Variants in COL22A1 observed in about 807,000 individuals in gnomAD.
The protein encoded by COL22A1 is collagen alpha-1(XXII) chain.
A neutral mutation model predicts 248.9 loss-of-function variants in COL22A1; 221 were observed. That is an observed-to-expected ratio of 0.89 (90% CI 0.80 to 0.99). The LOEUF (loss-of-function observed/expected upper bound fraction) is 0.99. Among genes scored for constraint, COL22A1 ranks in the 50% least tolerant of loss-of-function variants. The probability of loss-of-function intolerance (pLI) is 0.00; values close to 1 mark genes in which losing one functional copy is unlikely to be tolerated. For synonymous variants in COL22A1, 891 were observed against 793.4 expected (o/e 1.12, Z -2.07); for missense variants, 2,240 against 2,179.0 (o/e 1.03, Z -0.56).
chr8:138,605,324 AT>A (rs1416167577), intron 58 of COL22A1, among the ~76,000 whole-genome samples: 1 of 152,206 alleles, frequency 6.6e-6, no homozygotes, highest in Non-Finnish European at 1.5e-5. Context: ...AGTGGCAGGC[AT>A]GTAGTGAGGG....
intron 5 of COL22A1, among the ~76,000 whole-genome samples, chr8:138,827,517 C>T (rs762994241): frequency 9.9e-5 from 15 of 152,006 alleles, no homozygotes; most frequent in Middle Eastern, 3.2e-3. Context: ...TTTGTCATGG[C>T]GGCCAGAATA....
In COL22A1 at chr8:138,776,029, G is replaced by T; in HGVS notation, c.1759-19C>A. 6.2e-7 allele frequency: 1 copy of T among 1,613,768 alleles called. No homozygotes were observed. The stretch of plus-strand genomic sequence containing the variant: ...GGAGACCCTGGGGGACAAAGAAAGA[G>T]CAGTGACCCAACATCTTAATCTGGC... On this transcript the variant is annotated intron_variant, in intron 15 of 64. Transcript: ENST00000303045.
intron 35 of COL22A1, among the ~76,000 whole-genome samples, chr8:138,692,446 GGTGTGTGTGTGAGTGCATGT>G (rs1564202559): frequency 6.9e-6 from 1 of 145,564 alleles, no homozygotes; most frequent in African/African-American, 2.6e-5. Context: ...TGTGTGTGGA[GGTGTGTGTGTGAGTGCATGT>G]GTGTGTGTGT....
chr8:138,661,879 T>C (rs889849921), intron 43 of COL22A1, 151 bp downstream of exon 43: 12 of 510,000 alleles, frequency 2.4e-5, no homozygotes, highest in African/African-American at 9.7e-5. Context: ...AGAGCAAAAA[T>C]AAAAAGCATG....
chr8:138,623,871 C>T (rs1301976974), intron 51 of COL22A1, 86 bp from the exon 52 acceptor site: 3 of 1,203,854 alleles, frequency 2.5e-6, no homozygotes, highest in Non-Finnish European at 2.4e-6. Flanking sequence ...TGTCTTCCTG[C>T]CCAGCTTCCA....
chr8:138,604,840 A>C (rs1818301386), intron 58 of COL22A1, 71 bp from the exon 59 acceptor site: 9 of 1,258,782 alleles, frequency 7.1e-6, no homozygotes, highest in Non-Finnish European at 1.0e-5. Flanking sequence ...CTGTCTTTAA[A>C]ACTGACATTT....
intron 2 of COL22A1, 114 bp from the exon 3 acceptor site, chr8:138,878,430 G>T: frequency 1.1e-6 from 1 of 915,812 alleles, no homozygotes; most frequent in Non-Finnish European, 1.6e-6. Context: ...TACCTGCCCT[G>T]TCTCTCATGA....
chr8:138,833,047 T>C lies in COL22A1; in HGVS notation c.837A>G (p.Gln279=). The change falls in exon 5 of 65, where the codon CAA becomes CAG. Residue 279 remains glutamine, a synonymous_variant. Transcript: ENST00000303045. ...YVRMGSFPVV[Q]STEDVFPQGL... is the part of the protein sequence containing the mutation. ...GAGAAGTGGCCACTCACTCAGTACT[T>C]TGCACCACAGGGAAGGATCCCATCC... 6.2e-7 allele frequency: 1 copy of C among 1,608,966 alleles called. No individual in the cohort carries two copies. Among genetic ancestry groups the C allele is most frequent in the Non-Finnish European group, 8.5e-7 (1 of 1,175,328 alleles).
intron 11 of COL22A1, among the ~76,000 whole-genome samples, chr8:138,798,387 C>A (rs1465491557): frequency 1.3e-5 from 2 of 151,766 alleles, no homozygotes; most frequent in South Asian, 4.1e-4. Flanking sequence ...TGAGTACTTT[C>A]TAGTGTAACA....
At chr8:138,779,707 G>A (rs938232261) in intron 13 of COL22A1, 145 bp from the exon 14 acceptor site, 11 of 614,790 alleles carry the variant, frequency 1.8e-5, no homozygotes, top group African/African-American at 1.5e-4. Context: ...AGCAGGGCCC[G>A]GGCTCCCCTC....
At chr8:138,750,357 T>C (rs1271041914) in intron 22 of COL22A1, among the ~76,000 whole-genome samples, 2 of 152,190 alleles carry the variant, frequency 1.3e-5, no homozygotes, top group African/African-American at 2.4e-5. Context: ...AAAAGGGTTA[T>C]AGGAGGCACA....
intron 32 of COL22A1, among the ~76,000 whole-genome samples, chr8:138,697,562 G>T (rs7835385): frequency 0.84 from 127,244 of 152,116 alleles, 53,955 homozygotes; most frequent in East Asian, 0.91. Flanking sequence ...CAAACCACCA[G>T]CACCCTGTCA....
At chr8:138,886,654 A>G (rs1362031232) in intron 1 of COL22A1, among the ~76,000 whole-genome samples, 2 of 152,208 alleles carry the variant, frequency 1.3e-5, no homozygotes, top group East Asian at 1.9e-4. Context: ...AGTGCCTATT[A>G]CTAATAGAAA....
At chr8:138,850,723 G>A (rs191103383) in intron 3 of COL22A1, among the ~76,000 whole-genome samples, 90 of 152,326 alleles carry the variant, frequency 5.9e-4, no homozygotes, top group Admixed American at 1.8e-3. Flanking sequence ...GTTGATGGGA[G>A]GAAGCTCTGG....
At chr8:138,906,295 G>A (rs968495310) in intron 1 of COL22A1, among the ~76,000 whole-genome samples, 26 of 151,996 alleles carry the variant, frequency 1.7e-4, no homozygotes, top group Non-Finnish European at 3.1e-4. Flanking sequence ...GCGTGAACCC[G>A]GGAGGCGGAG....
chr8:138,704,921 T>C (rs1828287753), intron 30 of COL22A1, among the ~76,000 whole-genome samples: 1 of 152,130 alleles, frequency 6.6e-6, no homozygotes, highest in Non-Finnish European at 1.5e-5. Flanking sequence ...ATAAACAGCA[T>C]AGAGAAGACC....
intron 25 of COL22A1, among the ~76,000 whole-genome samples, chr8:138,723,929 A>T (rs564573649): frequency 6.6e-6 from 1 of 151,734 alleles, no homozygotes; most frequent in South Asian, 2.1e-4. Context: ...CCTCCGCCTC[A>T]CCCCTCCTCC....
At chr8:138,805,706 GGTGT>G (rs1181830667) in intron 10 of COL22A1, among the ~76,000 whole-genome samples, 1 of 145,368 alleles carries the variant, frequency 6.9e-6, no homozygotes, top group African/African-American at 2.6e-5. Context: ...GGTGTGGGAT[GGTGT>G]GTGATGGTGT....
intron 52 of COL22A1, among the ~76,000 whole-genome samples, chr8:138,620,973 CCATCCAT>C (rs1819744222): frequency 8.8e-6 from 1 of 113,990 alleles, no homozygotes; most frequent in African/African-American, 2.8e-5. Flanking sequence ...ATCCATCCAT[CCATCCAT>C]CCATCCATCC....
Sources: allele counts gnomAD v4.1 joint callset (sites outside exome capture counted in the v4.1 genomes callset), GRCh38; gene constraint gnomAD v4.1.1; transcripts MANE v1.5; gene names NCBI Gene and HGNC (gene_info 2026-07-23, HGNC 2026-07-21).